The following ANKRD13C variants were observed in gnomAD, a reference collection of about 807,000 sequenced individuals.
The protein encoded by ANKRD13C is ankyrin repeat domain-containing protein 13C.
In ANKRD13C, 16 loss-of-function variants were observed where a neutral mutation model predicts 65.5. That is an observed-to-expected ratio of 0.24 (90% CI 0.17 to 0.37). ANKRD13C has a LOEUF of 0.37. ANKRD13C is among the 10% of genes least tolerant of loss of function. ANKRD13C has a pLI of 1.00. For missense variants in ANKRD13C, 503 were observed against 655.9 expected, an observed-to-expected ratio of 0.77 and a Z score of 2.55; for synonymous variants, 235 against 238.7, an observed-to-expected ratio of 0.98 and a Z score of 0.14.
At chr1:70,277,315 G>C (rs967004038) in intron 9 of ANKRD13C, among the ~76,000 whole-genome samples, 1 of 152,058 alleles carries the variant, frequency 6.6e-6, no homozygotes, top group Non-Finnish European at 1.5e-5. Flanking sequence ...AGAATTATCC[G>C]GGCGTGATGG....
At position 70,354,398 on chromosome 1, in the gene ANKRD13C, T is replaced by C. The variant is rs1682904737; in HGVS notation, c.11A>G (p.Glu4Gly). 1 of 1,610,982 alleles carries C rather than the reference T, an allele frequency of 6.2e-7. No homozygotes were observed. Among genetic ancestry groups the C allele is most frequent in the Non-Finnish European group, 8.5e-7 (1 of 1,177,920 alleles). The change falls in exon 1 of 13, where the codon GAG becomes GGG. Residue 4 changes from glutamate (E) to glycine (G), a missense_variant. By Grantham distance (98) the Glu-to-Gly change is moderately conservative. Coordinates refer to ENST00000370944, the MANE Select transcript of ANKRD13C (RefSeq NM_030816.5). Reference sequence around the variant, plus strand: ...GTCCCTCCGCAGTGAGCGGATCTTCTCCCCGGTCATCGCCGCCGCCAGGGG... The same window carrying C: ...GTCCCTCCGCAGTGAGCGGATCTTCCCCCCGGTCATCGCCGCCGCCAGGGG... MTG[E>G]KIRSLRRDHK... is the part of the protein sequence containing the mutation.
intron 3 of ANKRD13C, among the ~76,000 whole-genome samples, chr1:70,319,239 G>C: frequency 6.6e-6 from 1 of 152,098 alleles, no homozygotes; most frequent in African/African-American, 2.4e-5. Flanking sequence ...TATCAATGTG[G>C]TCCTTTTATC....
At chr1:70,275,719 G>A (rs1679101433) in intron 10 of ANKRD13C, among the ~76,000 whole-genome samples, 1 of 151,972 alleles carries the variant, frequency 6.6e-6, no homozygotes, top group South Asian at 2.1e-4. Flanking sequence ...CCCAGCATTT[G>A]GGAGGCCGAG....
At chr1:70,323,094 C>A (rs369666899) in intron 3 of ANKRD13C, among the ~76,000 whole-genome samples, 9 of 152,182 alleles carry the variant, frequency 5.9e-5, no homozygotes, top group African/African-American at 2.2e-4. Flanking sequence ...TTAGAAAAAT[C>A]AGAGGAAGTT....
chr1:70,269,192 A>C (rs192563139), intron 12 of ANKRD13C, among the ~76,000 whole-genome samples: 1 of 152,298 alleles, frequency 6.6e-6, no homozygotes, highest in East Asian at 1.9e-4. Flanking sequence ...AGAAATAGTT[A>C]AACAAATACC....
At position 70,336,474 on chromosome 1, in the gene ANKRD13C, T is replaced by C. The variant is rs559582890; in HGVS notation, c.431-375A>G. On this transcript the variant is annotated intron_variant, in intron 1 of 12. Transcript: ENST00000370944. ...AGACTGAATCCCAGTTTTCAAGTTG[T>C]TCGGAAAGTCTGCTGTTAGAGACAA... Among the ~76,000 whole-genome samples the C allele has an allele frequency of 3.3e-4, 51 of 152,240 alleles. 1 individual carries two copies. In the South Asian group the frequency reaches 0.011, roughly 32 times the overall value.
intron 9 of ANKRD13C, among the ~76,000 whole-genome samples, chr1:70,277,531 A>G (rs1254298911): frequency 6.6e-6 from 1 of 152,046 alleles, no homozygotes; most frequent in Non-Finnish European, 1.5e-5. Flanking sequence ...TACAGACATG[A>G]ACAGTTAACC....
At chr1:70,279,540 C>T (rs1318086271) in intron 9 of ANKRD13C, among the ~76,000 whole-genome samples, 11 of 120,758 alleles carry the variant, frequency 9.1e-5, no homozygotes, top group Non-Finnish European at 1.6e-4. Flanking sequence ...TAGTCTTGCT[C>T]TGTTACCCAG....
intron 9 of ANKRD13C, among the ~76,000 whole-genome samples, chr1:70,290,535 TCTC>T (rs1417715681): frequency 6.6e-6 from 1 of 151,098 alleles, no homozygotes; most frequent in Non-Finnish European, 1.5e-5. Context: ...CTCTGATTTT[TCTC>T]CTTTTTTTTT....
At chr1:70,302,600 C>A (rs1201931393) in intron 6 of ANKRD13C, among the ~76,000 whole-genome samples, 2 of 134,652 alleles carry the variant, frequency 1.5e-5, no homozygotes, top group Non-Finnish European at 3.1e-5. Context: ...GTGGCGGGCG[C>A]CTGTAGTCCC....
chr1:70,311,137 T>C (rs11209606), intron 5 of ANKRD13C, among the ~76,000 whole-genome samples: 30,767 of 152,182 alleles, frequency 0.2, 3,379 homozygotes, highest in East Asian at 0.4. Context: ...AAGTATTATG[T>C]AGCTGTTAAA....
At chr1:70,275,103 A>G (rs1371565143) in intron 10 of ANKRD13C, among the ~76,000 whole-genome samples, 1 of 152,216 alleles carries the variant, frequency 6.6e-6, no homozygotes, top group African/African-American at 2.4e-5. Flanking sequence ...AAAGAAAATC[A>G]TTAGTAAAAA....
At chr1:70,342,723 AACACACACACACAATAACACACAC>A (rs768896960) in intron 1 of ANKRD13C, among the ~76,000 whole-genome samples, 1 of 147,440 alleles carries the variant, frequency 6.8e-6, no homozygotes, top group Non-Finnish European at 1.5e-5. Flanking sequence ...TAAAGAAAGA[AACACACACACACAATAACACACAC>A]ACACACACAC....
chr1:70,344,816 T>C, intron 1 of ANKRD13C, among the ~76,000 whole-genome samples: 1 of 152,126 alleles, frequency 6.6e-6, no homozygotes, highest in Middle Eastern at 3.4e-3. Flanking sequence ...TATTGATATT[T>C]ATCATATTAG....
At chr1:70,277,557 C>T (rs1474068551) in intron 9 of ANKRD13C, among the ~76,000 whole-genome samples, 4 of 148,942 alleles carry the variant, frequency 2.7e-5, no homozygotes, top group East Asian at 2.0e-4. Context: ...TATAAAAGAG[C>T]ATATTATTAA....
At chr1:70,349,182 T>C (rs1383617964) in intron 1 of ANKRD13C, among the ~76,000 whole-genome samples, 1 of 152,208 alleles carries the variant, frequency 6.6e-6, no homozygotes, top group Admixed American at 6.5e-5. Context: ...TCATGATCCT[T>C]TGCCAAACTA....
At chr1:70,297,530 G>A (rs2101313941) in intron 7 of ANKRD13C, among the ~76,000 whole-genome samples, 1 of 148,036 alleles carries the variant, frequency 6.8e-6, no homozygotes, top group South Asian at 2.1e-4. Context: ...CTGACCTCGT[G>A]ATCCGCCCGC....
chr1:70,337,304 G>T (rs570630739), intron 1 of ANKRD13C, among the ~76,000 whole-genome samples: 1 of 152,138 alleles, frequency 6.6e-6, no homozygotes, highest in Admixed American at 6.5e-5. Flanking sequence ...CTCCATGGCC[G>T]GGCACGGTGG....
At chr1:70,336,983 A>G (rs1209786599) in intron 1 of ANKRD13C, among the ~76,000 whole-genome samples, 2 of 152,196 alleles carry the variant, frequency 1.3e-5, no homozygotes, top group Non-Finnish European at 1.5e-5. Flanking sequence ...AGTAAATAAA[A>G]TTTGCTAAAT....
Sources: gnomAD v4.1 joint callset for allele counts (sites outside exome capture counted in the v4.1 genomes callset) on GRCh38, gnomAD v4.1.1 for gene constraint, MANE v1.5 for transcripts, NCBI Gene and HGNC (gene_info 2026-07-23, HGNC 2026-07-21) for gene names.